Variants in RGS5 observed in about 807,000 individuals in gnomAD.
The protein encoded by RGS5 is regulator of G-protein signalling 5.
Under a neutral mutation model 18.9 loss-of-function variants are expected in RGS5, and 20 were observed. The observed-to-expected ratio is 1.06, with a 90% CI of 0.74 to 1.54. The LOEUF (loss-of-function observed/expected upper bound fraction) is 1.54. Among genes scored for constraint, RGS5 ranks in the 40% most tolerant of loss-of-function variants. The pLI is 0.00. For synonymous variants in RGS5, 57 were observed against 76.2 expected, an observed-to-expected ratio of 0.75 and a Z score of 1.31; for missense variants, 201 against 211.8, an observed-to-expected ratio of 0.95 and a Z score of 0.32.
chr1:163,284,222 C>T (rs772256932), intron 2 of RGS5, among the ~76,000 whole-genome samples: 3 of 152,152 alleles, frequency 2.0e-5, no homozygotes, highest in Non-Finnish European at 2.9e-5. Flanking sequence ...CAACATTTCA[C>T]TTACCGGTTT....
chr1:163,315,016 ATAAC>A (rs1301499263), intron 1 of RGS5, among the ~76,000 whole-genome samples: 7 of 152,228 alleles, frequency 4.6e-5, no homozygotes, highest in South Asian at 2.1e-4. Flanking sequence ...AAAATGTGTT[ATAAC>A]TAACTAATTA....
At chr1:163,154,187 T>C (rs1349898692) in intron 3 of RGS5, among the ~76,000 whole-genome samples, 1 of 152,218 alleles carries the variant, frequency 6.6e-6, no homozygotes, top group East Asian at 1.9e-4. Context: ...CCTATTCTTT[T>C]TATAGGCTCT....
chr1:163,281,192 T>C (rs554844657), intron 2 of RGS5, among the ~76,000 whole-genome samples: 114 of 152,284 alleles, frequency 7.5e-4, no homozygotes, highest in African/African-American at 2.6e-3. Flanking sequence ...TTGTGAGGCC[T>C]CCCCAGCCAT....
Position 163,147,266 on chromosome 1 carries a change from A to G in RGS5, c.*76T>C. On this transcript the variant is annotated 3_prime_UTR_variant, in exon 5 of 5. Coordinates refer to ENST00000313961, the MANE Select transcript of RGS5 (RefSeq NM_003617.4). ...CTGAGCAAAGCTGCTGTGGGAAGAT[A>G]TGTAGATTAATGGGAAATGCAGGGT... is the stretch of plus-strand genomic sequence containing the variant. The G allele has an allele frequency of 6.9e-7, 1 of 1,443,570 alleles. No individual in the cohort carries two copies. The highest frequency in any genetic ancestry group is 2.4e-5 in the East Asian group (1 of 40,896). 89.4% of individuals were successfully genotyped at this position (1,443,570 alleles called of 1,614,324 possible).
At chr1:163,277,856 C>G (rs1401522990) in intron 2 of RGS5, among the ~76,000 whole-genome samples, 1 of 152,024 alleles carries the variant, frequency 6.6e-6, no homozygotes, top group East Asian at 1.9e-4. Context: ...AATCCTGGAA[C>G]TGAATAATTC....
intron 1 of RGS5, among the ~76,000 whole-genome samples, chr1:163,179,207 A>C (rs1257565182): frequency 6.6e-6 from 1 of 152,228 alleles, no homozygotes; most frequent in African/African-American, 2.4e-5. Flanking sequence ...ATAGTGGTAA[A>C]GGGCCTGGAT....
upstream of RGS5, among the ~76,000 whole-genome samples, chr1:163,204,474 T>TA (rs1659894814): frequency 6.6e-6 from 1 of 152,112 alleles, no homozygotes; most frequent in Non-Finnish European, 1.5e-5. Context: ...CTTAGCCTCC[T>TA]AAGTAACTGG....
intron 1 of RGS5, among the ~76,000 whole-genome samples, chr1:163,169,738 ATT>A (rs1323075985): frequency 1.3e-5 from 2 of 152,160 alleles, no homozygotes; most frequent in African/African-American, 4.8e-5. Context: ...GTTATCCATC[ATT>A]TTAGATGTTT....
rs1453400802 is a variant in RGS5 at position 163,145,566 on chromosome 1, G to A, written c.*1776C>T. 6.6e-6 allele frequency: 1 copy of A among 152,102 alleles called. No individual in the cohort carries two copies. The highest frequency in any genetic ancestry group is 2.4e-5 in the African/African-American group (1 of 41,422). 9.4% of individuals were successfully genotyped at this position (152,102 alleles called of 1,614,324 possible). A position where few individuals can be genotyped will look rare whatever the true frequency, so the allele number is the denominator to read the frequency against. On this transcript the variant is annotated 3_prime_UTR_variant, in exon 5 of 5. Coordinates refer to ENST00000313961, the MANE Select transcript of RGS5 (RefSeq NM_003617.4). ...CCTAGCTCTGGACTGCTTGATGAAG[G>A]AGTTTCTTTGAAGTGAGCAATACTG...
intron 1 of RGS5, among the ~76,000 whole-genome samples, chr1:163,182,932 G>T (rs1658916785): frequency 1.7e-5 from 1 of 60,266 alleles, no homozygotes; most frequent in African/African-American, 4.2e-5. Flanking sequence ...TAAATGAAAG[G>T]GGTAGTAAAA....
intron 2 of RGS5, among the ~76,000 whole-genome samples, chr1:163,249,591 G>A (rs1484376884): frequency 6.6e-6 from 1 of 152,216 alleles, no homozygotes; most frequent in Non-Finnish European, 1.5e-5. Flanking sequence ...AGGAGTTGGA[G>A]ACCAGCGTGG....
In RGS5 at chr1:163,279,405, T is replaced by A. The variant is rs184920895; in HGVS notation, c.-281+26828A>T. 1.4e-3 allele frequency among the ~76,000 whole-genome samples: 209 copies of A among 151,746 alleles called. 2 individuals carry two copies. In the East Asian group the frequency reaches 0.014, roughly 10 times the overall value. On this transcript the variant is annotated intron_variant, in intron 2 of 5. Transcript: ENST00000618415. ...TACAAATAATAGAAACAGAAAAAAA[T>A]ATGCTTCTGAACAACAATTGAGTCA...
At chr1:163,201,592 T>C (rs1178453847) in intron 1 of RGS5, among the ~76,000 whole-genome samples, 1 of 152,158 alleles carries the variant, frequency 6.6e-6, no homozygotes, top group East Asian at 1.9e-4. Context: ...AAAAAAAAGT[T>C]TGGAAGCCAT....
At chr1:163,283,743 C>T (rs1649060458) in intron 2 of RGS5, among the ~76,000 whole-genome samples, 1 of 152,194 alleles carries the variant, frequency 6.6e-6, no homozygotes, top group African/African-American at 2.4e-5. Context: ...GAAAGCTCAA[C>T]ATTGCAAGGA....
At chr1:163,245,556 CCT>C (rs1298421130) in intron 2 of RGS5, among the ~76,000 whole-genome samples, 2 of 152,144 alleles carry the variant, frequency 1.3e-5, no homozygotes, top group Non-Finnish European at 2.9e-5. Flanking sequence ...TTTTGTATCG[CCT>C]CATCATCTGA....
chr1:163,313,453 G>C (rs1242873085), intron 1 of RGS5, among the ~76,000 whole-genome samples: 1 of 152,044 alleles, frequency 6.6e-6, no homozygotes, highest in Non-Finnish European at 1.5e-5. Flanking sequence ...GGAGATTCTA[G>C]GAAAGAAAGG....
At position 163,283,178 on chromosome 1, in the gene RGS5, G is replaced by A. The variant is rs547317775; in HGVS notation, c.-281+23055C>T. On this transcript the variant is annotated intron_variant, in intron 2 of 5. Coordinates refer to the RGS5 transcript ENST00000618415. ...GGGGAGGTTGGTTAATGGCTAACAA[G>A]TTATAGCTAAATGGGAGGAATAAGT... Among the ~76,000 whole-genome samples the A allele has an allele frequency of 2.0e-5, 3 of 152,270 alleles. No homozygotes were observed. In the South Asian group the frequency reaches 6.2e-4, roughly 32 times the overall value.
chr1:163,317,240 T>A (rs1383022434), intron 1 of RGS5, among the ~76,000 whole-genome samples: 1 of 152,186 alleles, frequency 6.6e-6, no homozygotes, highest in Non-Finnish European at 1.5e-5. Context: ...ATCTGGGTAC[T>A]CAAGCCAGAA....
intron 2 of RGS5, among the ~76,000 whole-genome samples, 181 bp downstream of exon 2, chr1:163,168,077 C>T (rs531557701): frequency 6.6e-6 from 1 of 151,980 alleles, no homozygotes; most frequent in Non-Finnish European, 1.5e-5. Context: ...ATAAGATGCT[C>T]CAGACATGAG....
Sources: allele counts gnomAD v4.1 joint callset (sites outside exome capture counted in the v4.1 genomes callset), GRCh38; gene constraint gnomAD v4.1.1; transcripts MANE v1.5; gene names NCBI Gene and HGNC (gene_info 2026-07-23, HGNC 2026-07-21).